PRDM5: variants seen among roughly 807,000 people sequenced by gnomAD.
The protein encoded by PRDM5 is PR domain zinc finger protein 5.
A neutral mutation model predicts 81.2 loss-of-function variants in PRDM5; 56 were observed. The ratio of observed to expected loss-of-function variants is 0.69; its 90% CI spans 0.56 to 0.86. The LOEUF is 0.86. Among genes scored for constraint, PRDM5 ranks in the 40% least tolerant of loss-of-function variants. PRDM5 has a pLI of 0.00. For missense variants in PRDM5, 697 were observed against 770.1 expected, an observed-to-expected ratio of 0.91 and a Z score of 1.12; for synonymous variants, 267 against 256.4, an observed-to-expected ratio of 1.04 and a Z score of -0.39.
chr4:120,790,787 C>G (rs1002770580), intron 10 of PRDM5, among the ~76,000 whole-genome samples: 2 of 151,852 alleles, frequency 1.3e-5, no homozygotes, highest in African/African-American at 4.8e-5. Context: ...AATAAAAAAA[C>G]AGTTGGATGG....
rs1343793848 is a variant in PRDM5, at chr4:120,799,752, A to C, written c.946-7T>G. The C allele has an allele frequency of 6.2e-7, 1 of 1,610,974 alleles. No individual in the cohort carries two copies. The highest frequency in any genetic ancestry group is 1.3e-5 in the African/African-American group (1 of 74,852). On this transcript the variant is annotated splice_polypyrimidine_tract_variant and splice_region_variant and intron_variant, in intron 8 of 15. Transcript: ENST00000264808. The stretch of plus-strand genomic sequence containing the variant: ...AATCAAATATCTCATGAATCTGCAA[A>C]AGGTTAAATAGACAGTTAAATCAAC...
In PRDM5 at chr4:120,897,431, G is replaced by A. The variant is rs141738793; in HGVS notation, c.177+10043C>T. On this transcript the variant is annotated intron_variant, in intron 2 of 15. Coordinates refer to ENST00000264808, the MANE Select transcript of PRDM5 (RefSeq NM_018699.4). ...TTTAAGTAGTTTTACTAAGATATCT[G>A]TAGGTGTAACCGTCTTTCTACTGAC... Among the ~76,000 whole-genome samples the A allele has an allele frequency of 2.9e-3, 438 of 151,994 alleles. 2 individuals are homozygous for A. Among genetic ancestry groups the A allele is most frequent in the African/African-American group, 0.01 (422 of 41,442 alleles).
intron 2 of PRDM5, among the ~76,000 whole-genome samples, chr4:120,884,488 C>G (rs760580900): frequency 2.0e-5 from 3 of 152,050 alleles, no homozygotes; most frequent in Non-Finnish European, 4.4e-5. Context: ...TCTATGCTCC[C>G]CAATCAAAAC....
chr4:120,710,241 A>G, intron 15 of PRDM5, 68 bp downstream of exon 15: 2 of 831,914 alleles, frequency 2.4e-6, no homozygotes, highest in Non-Finnish European at 3.5e-6. Context: ...ACACACACAT[A>G]CACACACACA....
intron 14 of PRDM5, among the ~76,000 whole-genome samples, chr4:120,721,831 C>T (rs1738650209): frequency 6.6e-6 from 1 of 152,086 alleles, no homozygotes; most frequent in South Asian, 2.1e-4. Flanking sequence ...AGCCATGTAG[C>T]CGTAACATGG....
At chr4:120,874,216 A>G (rs1762124217) in intron 2 of PRDM5, among the ~76,000 whole-genome samples, 1 of 152,208 alleles carries the variant, frequency 6.6e-6, no homozygotes. Context: ...TCCTATCATT[A>G]ATGAAAATTT....
intron 10 of PRDM5, among the ~76,000 whole-genome samples, chr4:120,795,579 C>G (rs1214554566): frequency 7.0e-6 from 1 of 143,272 alleles, no homozygotes; most frequent in Non-Finnish European, 1.6e-5. Flanking sequence ...AAATGAGTAA[C>G]TAAATTTTCA....
intron 15 of PRDM5, among the ~76,000 whole-genome samples, chr4:120,699,671 T>C (rs1460348895): frequency 6.6e-6 from 1 of 152,142 alleles, no homozygotes; most frequent in Non-Finnish European, 1.5e-5. Flanking sequence ...GTTTTTAAAA[T>C]AGCCACATAC....
intron 14 of PRDM5, among the ~76,000 whole-genome samples, chr4:120,718,093 C>T (rs770858934): frequency 5.3e-5 from 8 of 152,148 alleles, no homozygotes; most frequent in Admixed American, 1.3e-4. Context: ...GTTCAACTTG[C>T]GAGTGAAACA....
chr4:120,781,534 G>A (rs1749034722), intron 11 of PRDM5, among the ~76,000 whole-genome samples: 1 of 152,106 alleles, frequency 6.6e-6, no homozygotes, highest in South Asian at 2.1e-4. Context: ...AAAACGTGGG[G>A]ACTGAATTAG....
intron 2 of PRDM5, among the ~76,000 whole-genome samples, chr4:120,863,866 C>T (rs75914925): frequency 0.033 from 5,066 of 152,142 alleles, 118 homozygotes; most frequent in Non-Finnish European, 0.053. Flanking sequence ...ACATAATGAA[C>T]GACAGAAGTA....
At chr4:120,769,538 T>A (rs1237240625) in intron 13 of PRDM5, among the ~76,000 whole-genome samples, 1 of 152,192 alleles carries the variant, frequency 6.6e-6, no homozygotes, top group Non-Finnish European at 1.5e-5. Flanking sequence ...GCATTCATTT[T>A]GTACAAGGCA....
intron 2 of PRDM5, among the ~76,000 whole-genome samples, chr4:120,868,694 T>C (rs1026777744): frequency 2.6e-5 from 4 of 152,152 alleles, no homozygotes; most frequent in African/African-American, 7.2e-5. Context: ...ATGTGTTCTG[T>C]CTGTAAAAGG....
At chr4:120,921,901 C>A (rs918677424) in intron 1 of PRDM5, among the ~76,000 whole-genome samples, 1 of 152,076 alleles carries the variant, frequency 6.6e-6, no homozygotes, top group Non-Finnish European at 1.5e-5. Flanking sequence ...GGTATAGACA[C>A]TCAAAGATCA....
intron 2 of PRDM5, among the ~76,000 whole-genome samples, chr4:120,856,171 T>G (rs12501569): frequency 0.18 from 27,635 of 152,172 alleles, 2,974 homozygotes; most frequent in East Asian, 0.3. Flanking sequence ...GCACTTCCTG[T>G]CTATCACTTT....
chr4:120,697,953 TAAAATAAAATAAAAAA>T (rs1734755211), intron 15 of PRDM5, among the ~76,000 whole-genome samples: 1 of 21,226 alleles, frequency 4.7e-5, no homozygotes, highest in Non-Finnish European at 6.4e-4. Flanking sequence ...AGTATACAAA[TAAAATAAAATAAAAAA>T]AAAGAAAATG....
intron 8 of PRDM5, among the ~76,000 whole-genome samples, chr4:120,800,597 G>A (rs1751995976): frequency 6.6e-6 from 1 of 151,070 alleles, no homozygotes; most frequent in South Asian, 2.1e-4. Flanking sequence ...ATCCAAAGTA[G>A]CAGGTATGCA....
At chr4:120,903,668 T>A (rs922875043) in intron 2 of PRDM5, among the ~76,000 whole-genome samples, 2 of 152,136 alleles carry the variant, frequency 1.3e-5, no homozygotes. Context: ...ATAATCCCCA[T>A]GTGTAAATGG....
chr4:120,720,427 A>G (rs1008265418), intron 14 of PRDM5, among the ~76,000 whole-genome samples: 5 of 152,202 alleles, frequency 3.3e-5, no homozygotes, highest in African/African-American at 7.2e-5. Context: ...ACTTGCTTCT[A>G]TAAACCAAAT....
Sources: gnomAD v4.1 joint callset for allele counts (sites outside exome capture counted in the v4.1 genomes callset) on GRCh38, gnomAD v4.1.1 for gene constraint, MANE v1.5 for transcripts, NCBI Gene and HGNC (gene_info 2026-07-23, HGNC 2026-07-21) for gene names.